The following ZBTB20 variants were observed in gnomAD, a reference collection of about 807,000 sequenced individuals.
ZBTB20 encodes the protein zinc finger and BTB domain containing 20, also known as zinc finger and BTB domain-containing protein 20.
ZBTB20 carries 9 observed loss-of-function variants against 56.9 expected under a neutral mutation model. The observed-to-expected ratio is 0.16, with a 90% confidence interval of 0.10 to 0.28. ZBTB20 has a LOEUF of 0.28. Among genes scored for constraint, ZBTB20 ranks in the 10% least tolerant of loss-of-function variants. The pLI is 1.00. For synonymous variants in ZBTB20, 417 were observed against 420.7 expected (o/e 0.99, Z 0.11); for missense variants, 655 against 1,003.0 (o/e 0.65, Z 4.69).
chr3:114,851,705 A>G (rs1162807730), intron 4 of ZBTB20, among the ~76,000 whole-genome samples: 1 of 151,686 alleles, frequency 6.6e-6, no homozygotes, highest in Non-Finnish European at 1.5e-5. Flanking sequence ...CCTTGTTTCT[A>G]CTTTGCAGAT....
chr3:115,075,070 T>C (rs1305154576), intron 1 of ZBTB20, among the ~76,000 whole-genome samples: 1 of 152,166 alleles, frequency 6.6e-6, no homozygotes, highest in African/African-American at 2.4e-5. Context: ...ATAATTTTAA[T>C]GTGAATTAAC....
At chr3:114,501,635 A>T (rs1436303562) in intron 6 of ZBTB20, among the ~76,000 whole-genome samples, 1 of 150,456 alleles carries the variant, frequency 6.6e-6, no homozygotes. Context: ...AAAAAAAAAA[A>T]AATCACAGGC....
intron 1 of ZBTB20, among the ~76,000 whole-genome samples, chr3:115,081,791 G>T (rs940701219): frequency 1.3e-5 from 2 of 152,094 alleles, no homozygotes; most frequent in East Asian, 3.9e-4. Flanking sequence ...AATTTGTAAA[G>T]ATTATATTTA....
intron 5 of ZBTB20, among the ~76,000 whole-genome samples, chr3:114,725,533 A>C (rs557501793): frequency 6.6e-6 from 1 of 152,370 alleles, no homozygotes; most frequent in Non-Finnish European, 1.5e-5. Context: ...TCAATATATA[A>C]TTGTGAGTTG....
chr3:114,457,619 A>T (rs538898222), intron 7 of ZBTB20, among the ~76,000 whole-genome samples: 1 of 152,282 alleles, frequency 6.6e-6, no homozygotes, highest in African/African-American at 2.4e-5. Flanking sequence ...TCATAATAAT[A>T]ATGATGGCCA....
chr3:114,624,185 G>A (rs1276352056), intron 6 of ZBTB20: 1 of 152,090 alleles, frequency 6.6e-6, no homozygotes, highest in African/African-American at 2.4e-5. Context: ...GGGTGTCCAG[G>A]CCTGGCTGTT....
At chr3:114,431,164 G>A (rs2090092670) in intron 7 of ZBTB20, among the ~76,000 whole-genome samples, 2 of 151,922 alleles carry the variant, frequency 1.3e-5, no homozygotes, top group Admixed American at 6.6e-5. Context: ...GAAGGAGGAA[G>A]GATAGGAAGA....
At chr3:115,077,727 C>G (rs567042979) in intron 1 of ZBTB20, among the ~76,000 whole-genome samples, 3 of 152,180 alleles carry the variant, frequency 2.0e-5, no homozygotes, top group African/African-American at 2.4e-5. Flanking sequence ...ATTAATAAAA[C>G]AAAAGACAAG....
intron 5 of ZBTB20, among the ~76,000 whole-genome samples, chr3:114,733,407 G>A (rs2065903289): frequency 6.6e-6 from 1 of 152,166 alleles, no homozygotes; most frequent in Non-Finnish European, 1.5e-5. Flanking sequence ...ATGTGATTTG[G>A]TTGGTGTCAC....
At position 114,322,053 on chromosome 3, in the gene ZBTB20, A is replaced by G. The variant is rs2078912616; in HGVS notation, c.*16952T>C. ...CAAAATCCAGACTGTGGCTTTTTCA[A>G]CACTTGAATTCATTGGCCAGTTGTC... On this transcript the variant is annotated 3_prime_UTR_variant, in exon 12 of 12. Transcript: ENST00000675478. The G allele has an allele frequency of 6.6e-6, 1 of 152,258 alleles. No homozygotes were observed. Among genetic ancestry groups the G allele is most frequent in the African/African-American group, 2.4e-5 (1 of 41,462 alleles). The allele number at this position is 152,258 out of a possible 1,614,324, so 9.4% of individuals were successfully genotyped here.
chr3:114,999,294 G>A (rs928990357), intron 2 of ZBTB20, among the ~76,000 whole-genome samples: 1 of 130,722 alleles, frequency 7.6e-6, no homozygotes, highest in African/African-American at 2.8e-5. Context: ...AGGAAAGGGG[G>A]AGGGAAATGA....
intron 6 of ZBTB20, among the ~76,000 whole-genome samples, chr3:114,671,002 T>G (rs900567659): frequency 6.6e-6 from 1 of 152,152 alleles, no homozygotes; most frequent in Non-Finnish European, 1.5e-5. Context: ...CCAGGGTACA[T>G]GCAGAGATGT....
chr3:114,828,318 T>C (rs1175220185), intron 4 of ZBTB20, among the ~76,000 whole-genome samples: 4 of 151,700 alleles, frequency 2.6e-5, no homozygotes, highest in African/African-American at 9.7e-5. Flanking sequence ...GGATGACATA[T>C]AATTAAATTT....
intron 7 of ZBTB20, among the ~76,000 whole-genome samples, chr3:114,480,022 A>T (rs772159917): frequency 9.9e-5 from 15 of 152,224 alleles, no homozygotes; most frequent in Admixed American, 3.3e-4. Flanking sequence ...CTGCTTAAGT[A>T]GCCTTTATCT....
chr3:114,425,225 C>T (rs1321893672), intron 7 of ZBTB20, among the ~76,000 whole-genome samples: 1 of 151,670 alleles, frequency 6.6e-6, no homozygotes, highest in African/African-American at 2.4e-5. Context: ...TTTACAAAAG[C>T]CAGTTTGTGT....
At chr3:114,607,975 G>C (rs1289467354) in intron 6 of ZBTB20, among the ~76,000 whole-genome samples, 2 of 152,176 alleles carry the variant, frequency 1.3e-5, no homozygotes, top group African/African-American at 2.4e-5. Flanking sequence ...TACAACTGAA[G>C]TGATGAGAAG....
At chr3:114,896,677 A>G (rs1303334597) in intron 4 of ZBTB20, among the ~76,000 whole-genome samples, 1 of 152,018 alleles carries the variant, frequency 6.6e-6, no homozygotes, top group African/African-American at 2.4e-5. Context: ...TTATATAGAG[A>G]TGTATTGTGG....
At chr3:114,451,589 T>C (rs183063644) in intron 7 of ZBTB20, among the ~76,000 whole-genome samples, 2 of 152,144 alleles carry the variant, frequency 1.3e-5, no homozygotes, top group African/African-American at 4.8e-5. Context: ...CACATATGCA[T>C]GTGCGCACAC....
At chr3:114,845,503 C>A (rs1398958436) in intron 4 of ZBTB20, among the ~76,000 whole-genome samples, 1 of 151,656 alleles carries the variant, frequency 6.6e-6, no homozygotes, top group Non-Finnish European at 1.5e-5. Flanking sequence ...CTACCCACCT[C>A]TGTGCCTCAC....
Sources: gnomAD v4.1 joint callset for allele counts (sites outside exome capture counted in the v4.1 genomes callset) on GRCh38, gnomAD v4.1.1 for gene constraint, MANE v1.5 for transcripts, NCBI Gene and HGNC (gene_info 2026-07-23, HGNC 2026-07-21) for gene names.